TIMP3: variants seen among roughly 807,000 people sequenced by gnomAD.
TIMP3 encodes the protein metalloproteinase inhibitor 3.
TIMP3 carries 11 observed loss-of-function variants against 30.0 expected under a neutral mutation model. That is an observed-to-expected ratio of 0.37 (90% confidence interval 0.23 to 0.61). TIMP3 has a LOEUF of 0.61. Ranked by LOEUF, TIMP3 falls within the 20% of genes least tolerant of loss-of-function variation. The pLI is 0.70. For missense variants in TIMP3, 181 were observed against 276.8 expected (o/e 0.65, Z 2.45); for synonymous variants, 112 against 111.3 (o/e 1.01, Z -0.04).
chr22:32,854,894 A>T (rs1318490087), intron 2 of TIMP3, among the ~76,000 whole-genome samples: 1 of 152,104 alleles, frequency 6.6e-6, no homozygotes, highest in Non-Finnish European at 1.5e-5. Flanking sequence ...GGTCCAACAG[A>T]CCAAGTTATG....
chr22:32,811,699 C>T (rs964582455), intron 1 of TIMP3, among the ~76,000 whole-genome samples: 10 of 152,102 alleles, frequency 6.6e-5, no homozygotes, highest in African/African-American at 1.2e-4. Flanking sequence ...ATTGGGGGGT[C>T]GGTCATAGTT....
intron 1 of TIMP3, among the ~76,000 whole-genome samples, chr22:32,839,970 G>A (rs145058459): frequency 1.6e-3 from 238 of 152,114 alleles, no homozygotes; most frequent in African/African-American, 5.4e-3. Flanking sequence ...GGTGAGGAGA[G>A]CCAGGAGCTC....
intron 1 of TIMP3, among the ~76,000 whole-genome samples, chr22:32,806,168 G>A (rs375161044): frequency 1.3e-5 from 2 of 151,966 alleles, no homozygotes; most frequent in African/African-American, 2.4e-5. Flanking sequence ...GGAGGTACCC[G>A]GTCTGCCAGT....
intron 1 of TIMP3, among the ~76,000 whole-genome samples, chr22:32,813,582 G>A (rs1430721412): frequency 6.6e-6 from 1 of 151,210 alleles, no homozygotes; most frequent in East Asian, 1.9e-4. Flanking sequence ...AGCCTTGTGG[G>A]TCACCAGTTT....
intron 1 of TIMP3, among the ~76,000 whole-genome samples, chr22:32,817,780 T>C (rs2047126142): frequency 6.6e-6 from 1 of 152,084 alleles, no homozygotes; most frequent in South Asian, 2.1e-4. Context: ...TTGTGGTGAG[T>C]GTGAAGGTGA....
chr22:32,851,179 C>T (rs1037189204), intron 2 of TIMP3, among the ~76,000 whole-genome samples: 4 of 152,104 alleles, frequency 2.6e-5, no homozygotes, highest in African/African-American at 7.2e-5. Context: ...GCAGACAGCG[C>T]GGGAATGCCA....
At chr22:32,820,007 A>G (rs1403757993) in intron 1 of TIMP3, among the ~76,000 whole-genome samples, 1 of 152,130 alleles carries the variant, frequency 6.6e-6, no homozygotes, top group Admixed American at 6.5e-5. Context: ...GCCCAAGGGA[A>G]TCAGGGCCTT....
Position 32,859,469 on chromosome 22 carries a change from G to A in TIMP3, c.*92G>A. 3 of 1,459,168 alleles carry A rather than the reference G, an allele frequency of 2.1e-6. No homozygotes were observed. The highest frequency in any genetic ancestry group is 2.8e-6 in the Non-Finnish European group (3 of 1,085,752). 90.4% of individuals were successfully genotyped at this position (1,459,168 alleles called of 1,614,324 possible). On this transcript the variant is annotated 3_prime_UTR_variant, in exon 5 of 5. Transcript: ENST00000266085. ...CCCAGATGATGACAATGAAATTAGT[G>A]CCTGTTTTCTTGCAAATTTAGCACT...
At chr22:32,802,162 G>T in intron 1 of TIMP3, 40 bp downstream of exon 1, 1 of 1,561,190 alleles carries the variant, frequency 6.4e-7, no homozygotes, top group Non-Finnish European at 8.6e-7. Context: ...CCACGCTGCA[G>T]CCAGGACTGC....
intron 2 of TIMP3, among the ~76,000 whole-genome samples, chr22:32,856,460 C>G (rs988870520): frequency 6.6e-6 from 1 of 152,046 alleles, no homozygotes; most frequent in African/African-American, 2.4e-5. Flanking sequence ...AATAGGGGAG[C>G]GAGATTCCCT....
Position 32,836,629 on chromosome 22 carries a change from A to T in TIMP3, c.122-12823A>T, listed in dbSNP as rs1460572214. 2.0e-5 allele frequency among the ~76,000 whole-genome samples: 3 copies of T among 152,184 alleles called. No individual in the cohort carries two copies. In the East Asian group the frequency reaches 5.8e-4, roughly 29 times the overall value. ...CTATGTATGGGCTCGTTTTTCTCGT[A>T]CCTGTTCCTACCTGAGTGCCCACTA... On this transcript the variant is annotated intron_variant, in intron 1 of 4. Coordinates refer to ENST00000266085, the MANE Select transcript of TIMP3 (RefSeq NM_000362.5).
intron 1 of TIMP3, among the ~76,000 whole-genome samples, chr22:32,830,563 T>C (rs1471263689): frequency 1.3e-5 from 2 of 152,130 alleles, no homozygotes; most frequent in East Asian, 1.9e-4. Flanking sequence ...CCTTTCTTAT[T>C]GTGTCCCCTC....
chr22:32,825,483 A>AC (rs2047374852), intron 1 of TIMP3, among the ~76,000 whole-genome samples: 2 of 151,414 alleles, frequency 1.3e-5, no homozygotes, highest in South Asian at 4.2e-4. Flanking sequence ...ACATGGTGAA[A>AC]CCCCGTCTTT....
chr22:32,814,145 A>AGG (rs1450799660), intron 1 of TIMP3, among the ~76,000 whole-genome samples: 29 of 132,674 alleles, frequency 2.2e-4, no homozygotes, highest in African/African-American at 6.4e-4. Context: ...TGTGTGTGAG[A>AGG]GAGAGAGAGA....
intron 1 of TIMP3, among the ~76,000 whole-genome samples, chr22:32,814,421 T>G (rs1215395915): frequency 1.3e-5 from 2 of 151,412 alleles, no homozygotes; most frequent in African/African-American, 4.9e-5. Flanking sequence ...AAAAGGCCAT[T>G]CCTAACTGCT....
chr22:32,842,288 G>A (rs183918121), intron 1 of TIMP3, among the ~76,000 whole-genome samples: 83 of 152,260 alleles, frequency 5.5e-4, no homozygotes, highest in African/African-American at 1.8e-3. Context: ...TTTGGGAGTT[G>A]GGATTGTGGT....
intron 1 of TIMP3, among the ~76,000 whole-genome samples, chr22:32,815,506 C>T (rs1444444085): frequency 1.3e-5 from 2 of 152,144 alleles, no homozygotes; most frequent in Non-Finnish European, 2.9e-5. Flanking sequence ...ACTCTCATAA[C>T]CACTCATTGA....
intron 1 of TIMP3, among the ~76,000 whole-genome samples, chr22:32,827,079 C>T (rs957347688): frequency 6.6e-6 from 1 of 152,202 alleles, no homozygotes; most frequent in African/African-American, 2.4e-5. Flanking sequence ...CTCGCAGGGG[C>T]CCACTCTGAA....
chr22:32,840,056 G>A (rs963361763), intron 1 of TIMP3, among the ~76,000 whole-genome samples: 19 of 152,010 alleles, frequency 1.2e-4, no homozygotes, highest in African/African-American at 2.9e-4. Context: ...TGGGGACCCC[G>A]GAACACAAGG....
Sources: allele counts gnomAD v4.1 joint callset (sites outside exome capture counted in the v4.1 genomes callset), GRCh38; gene constraint gnomAD v4.1.1; transcripts MANE v1.5; gene names NCBI Gene and HGNC (gene_info 2026-07-23, HGNC 2026-07-21).